The following SAE1 variants were observed in gnomAD, a reference collection of about 807,000 sequenced individuals.
SAE1 encodes SUMO1 activating enzyme subunit 1.
SAE1 carries 11 observed loss-of-function variants against 40.6 expected under a neutral mutation model. That is an observed-to-expected ratio of 0.27 (90% confidence interval 0.17 to 0.45). The LOEUF (loss-of-function observed/expected upper bound fraction) is 0.45, where lower values mean the gene tolerates loss of function less well. SAE1 is among the 20% of genes least tolerant of loss of function. The pLI, the probability that SAE1 is intolerant of heterozygous loss-of-function variation, is 1.00. For synonymous variants in SAE1, 155 were observed against 154.3 expected, an observed-to-expected ratio of 1.00 and a Z score of -0.03; for missense variants, 373 against 427.3, an observed-to-expected ratio of 0.87 and a Z score of 1.12.
chr19:47,146,177 G>A (rs1419732651), intron 2 of SAE1, among the ~76,000 whole-genome samples: 1 of 152,070 alleles, frequency 6.6e-6, no homozygotes, highest in Non-Finnish European at 1.5e-5. Flanking sequence ...AAAGTGGTGG[G>A]TAGGGACAGG....
intron 1 of SAE1, among the ~76,000 whole-genome samples, chr19:47,134,796 A>C (rs2058168410): frequency 6.6e-6 from 1 of 152,058 alleles, no homozygotes; most frequent in Admixed American, 6.6e-5. Context: ...GGGGCCTCTG[A>C]GTGGGAGATG....
chr19:47,202,614 T>C (rs934925151), intron 7 of SAE1, among the ~76,000 whole-genome samples: 1 of 151,528 alleles, frequency 6.6e-6, no homozygotes, highest in Non-Finnish European at 1.5e-5. Flanking sequence ...TTGTGCACTT[T>C]TAAAAATGTC....
intron 7 of SAE1, among the ~76,000 whole-genome samples, chr19:47,199,089 A>G (rs1023500464): frequency 6.7e-6 from 1 of 149,930 alleles, no homozygotes; most frequent in East Asian, 2.0e-4. Flanking sequence ...ACCGTGTCTC[A>G]ATACATATAG....
chr19:47,204,676 T>C (rs1398137104), intron 8 of SAE1, among the ~76,000 whole-genome samples: 2 of 151,486 alleles, frequency 1.3e-5, no homozygotes, highest in African/African-American at 2.4e-5. Flanking sequence ...CAGGCTAATT[T>C]TTGTATTTTT....
At chr19:47,136,296 G>A (rs1028721714) in intron 1 of SAE1, among the ~76,000 whole-genome samples, 1 of 151,670 alleles carries the variant, frequency 6.6e-6, no homozygotes, top group East Asian at 1.9e-4. Flanking sequence ...CTGCCACCAC[G>A]CCCGGCTAAT....
chr19:47,157,895 C>G (rs1163404782), intron 5 of SAE1, among the ~76,000 whole-genome samples: 1 of 152,168 alleles, frequency 6.6e-6, no homozygotes, highest in Non-Finnish European at 1.5e-5. Context: ...AAGGGCCCTG[C>G]GGACCGACTG....
chr19:47,182,494 TGTGC>T (rs979787653), intron 6 of SAE1, among the ~76,000 whole-genome samples: 6 of 137,400 alleles, frequency 4.4e-5, no homozygotes, highest in South Asian at 4.6e-4. Context: ...TGTGTGTGTG[TGTGC>T]GCGCACGCAC....
chr19:47,150,186 T>C lies in SAE1; in HGVS notation c.211-16T>C, dbSNP rs374470646. 4 of 1,494,036 alleles carry C rather than the reference T, an allele frequency of 2.7e-6. No homozygotes were observed. Among genetic ancestry groups the C allele is most frequent in the African/African-American group, 2.9e-5 (2 of 69,894 alleles). The allele number at this position is 1,494,036 out of a possible 1,614,324, so 92.5% of individuals were successfully genotyped here. ...TAAAAATACAAGACTTAAAAAAATA[T>C]GTGTATTATTCCTAGGTAACTCCAG... On this transcript the variant is annotated splice_polypyrimidine_tract_variant and intron_variant, in intron 2 of 8. Transcript: ENST00000270225.
intron 7 of SAE1, among the ~76,000 whole-genome samples, chr19:47,199,685 C>T (rs539926972): frequency 4.1e-4 from 62 of 152,246 alleles, no homozygotes; most frequent in African/African-American, 1.3e-3. Flanking sequence ...CAGTGGCTGC[C>T]GCTTGCCACT....
chr19:47,187,906 CAT>C (rs1291647408), intron 6 of SAE1, among the ~76,000 whole-genome samples: 2 of 152,300 alleles, frequency 1.3e-5, no homozygotes, highest in East Asian at 1.9e-4. Flanking sequence ...TCCTGTGTGA[CAT>C]ATTTTTTGAG....
At chr19:47,165,786 G>A (rs1040621325) in intron 5 of SAE1, among the ~76,000 whole-genome samples, 1 of 152,234 alleles carries the variant, frequency 6.6e-6, no homozygotes, top group Non-Finnish European at 1.5e-5. Context: ...GGATTGTTAA[G>A]TGGAGTGTAA....
chr19:47,158,657 C>G lies in SAE1; in HGVS notation c.627+3444C>G, dbSNP rs149788618. On this transcript the variant is annotated intron_variant, in intron 5 of 8. Transcript: ENST00000270225. ...GGCAGAGTTGCTGTGGCTGCCCTCA[C>G]TGCCGCAGCCAGCTCCTTCCATGAG... Among the ~76,000 whole-genome samples, 197 of 152,340 alleles carry G rather than the reference C, an allele frequency of 1.3e-3. 1 individual carries two copies. In the Middle Eastern group the frequency reaches 0.024, roughly 18 times the overall value.
chr19:47,144,809 A>G (rs1202090231), intron 2 of SAE1, among the ~76,000 whole-genome samples: 2 of 152,190 alleles, frequency 1.3e-5, no homozygotes, highest in African/African-American at 4.8e-5. Flanking sequence ...GTAATTAGGA[A>G]TAATGATCTG....
chr19:47,131,239 G>T, intron 1 of SAE1: 2 of 1,277,266 alleles, frequency 1.6e-6, no homozygotes, highest in Non-Finnish European at 2.0e-6. Context: ...CCGTTCCGAA[G>T]GATGGGAGCT....
At chr19:47,167,584 A>C (rs1047220492) in intron 5 of SAE1, among the ~76,000 whole-genome samples, 2 of 152,132 alleles carry the variant, frequency 1.3e-5, no homozygotes, top group Admixed American at 1.3e-4. Context: ...CATCCTTAGC[A>C]AGCTTTGTAA....
At chr19:47,195,999 G>A (rs957342464) in intron 6 of SAE1, among the ~76,000 whole-genome samples, 8 of 148,676 alleles carry the variant, frequency 5.4e-5, no homozygotes, top group Admixed American at 2.0e-4. Context: ...CCCCCAAAGT[G>A]TTGGGATTGC....
rs114679610 is a variant in SAE1 at position 47,205,034 on chromosome 19, C to A, written c.948+1294C>A. Among the ~76,000 whole-genome samples the A allele has an allele frequency of 3.7e-3, 564 of 152,268 alleles. 2 individuals carry two copies. The highest frequency in any genetic ancestry group is 0.013 in the African/African-American group (527 of 41,542). ...TTGGGTTGCTAAAACTATACCATAC[C>A]CCCAAATATATTGTACATTCTTTGC... On this transcript the variant is annotated intron_variant, in intron 8 of 8. Coordinates refer to ENST00000270225, the MANE Select transcript of SAE1 (RefSeq NM_005500.3).
At chr19:47,155,023 ATCCCGATCTGTGACC>A (rs1185538920) in intron 4 of SAE1, 76 bp from the exon 5 acceptor site, 8 of 801,190 alleles carry the variant, frequency 1.0e-5, no homozygotes, top group Middle Eastern at 3.1e-4. Context: ...CTTAACCACC[ATCCCGATCTGTGACC>A]TGGAGAGGCT....
intron 5 of SAE1, among the ~76,000 whole-genome samples, chr19:47,165,111 T>C (rs548213206): frequency 5.8e-5 from 6 of 103,436 alleles, no homozygotes; most frequent in African/African-American, 2.3e-4. Flanking sequence ...TGAGACGGAG[T>C]CTTGCTCTCT....
Sources: allele counts gnomAD v4.1 joint callset (sites outside exome capture counted in the v4.1 genomes callset), GRCh38; gene constraint gnomAD v4.1.1; transcripts MANE v1.5; gene names NCBI Gene and HGNC (gene_info 2026-07-23, HGNC 2026-07-21).